Variants in VWC2L observed in about 807,000 individuals in gnomAD.
VWC2L encodes von Willebrand factor C domain-containing protein 2-like.
In VWC2L, 10 loss-of-function variants were observed where a neutral mutation model predicts 21.6. That is an observed-to-expected ratio of 0.46 (90% CI 0.29 to 0.78). VWC2L has a LOEUF of 0.78. Among genes scored for constraint, VWC2L ranks in the 30% least tolerant of loss-of-function variants. The pLI is 0.10. For synonymous variants in VWC2L, 96 were observed against 94.3 expected, an observed-to-expected ratio of 1.02 and a Z score of -0.10; for missense variants, 209 against 277.1, an observed-to-expected ratio of 0.75 and a Z score of 1.74.
chr2:214,524,753 C>T (rs11896940), intron 3 of VWC2L, among the ~76,000 whole-genome samples: 4,991 of 152,134 alleles, frequency 0.033, 264 homozygotes, highest in African/African-American at 0.11. Flanking sequence ...ATGCCCTCGT[C>T]TCTTCAAATG....
At chr2:214,550,573 C>T (rs902291188) in intron 3 of VWC2L, among the ~76,000 whole-genome samples, 1 of 152,202 alleles carries the variant, frequency 6.6e-6, no homozygotes, top group African/African-American at 2.4e-5. Flanking sequence ...CATTACCCAT[C>T]ACCCCATTCA....
chr2:214,567,303 G>T (rs911548647), intron 3 of VWC2L, among the ~76,000 whole-genome samples: 6 of 151,974 alleles, frequency 3.9e-5, no homozygotes, highest in Non-Finnish European at 5.9e-5. Flanking sequence ...GATCTGGGTC[G>T]ACAAACAACA....
chr2:214,518,534 A>C (rs1475223953), intron 3 of VWC2L, among the ~76,000 whole-genome samples: 2 of 152,150 alleles, frequency 1.3e-5, no homozygotes, highest in Non-Finnish European at 2.9e-5. Flanking sequence ...CCTTCTTCCA[A>C]CCAGGACTAG....
At chr2:214,545,839 T>C (rs954734351) in intron 3 of VWC2L, among the ~76,000 whole-genome samples, 5 of 152,132 alleles carry the variant, frequency 3.3e-5, no homozygotes, top group Middle Eastern at 3.2e-3. Flanking sequence ...ACATATACAA[T>C]TTGAGAACGT....
intron 3 of VWC2L, among the ~76,000 whole-genome samples, chr2:214,542,171 T>C (rs1689639469): frequency 6.6e-6 from 1 of 152,166 alleles, no homozygotes; most frequent in African/African-American, 2.4e-5. Flanking sequence ...TGTCCTTGTG[T>C]GCAGTGCAGT....
At chr2:214,533,403 T>C (rs796181618) in intron 3 of VWC2L, among the ~76,000 whole-genome samples, 2 of 152,152 alleles carry the variant, frequency 1.3e-5, no homozygotes, top group East Asian at 1.9e-4. Flanking sequence ...ACAGCACAAA[T>C]TGCAGCTGGT....
At chr2:214,432,341 A>G (rs948884666) in intron 2 of VWC2L, among the ~76,000 whole-genome samples, 5 of 152,214 alleles carry the variant, frequency 3.3e-5, no homozygotes, top group Admixed American at 2.0e-4. Context: ...TAAAGAAATC[A>G]GTAAGATAGT....
intron 3 of VWC2L, among the ~76,000 whole-genome samples, chr2:214,513,768 T>C (rs1689096194): frequency 6.6e-6 from 1 of 152,104 alleles, no homozygotes; most frequent in Non-Finnish European, 1.5e-5. Context: ...CAGAACCCTC[T>C]ATACAAGGCA....
At chr2:214,520,519 C>T (rs996399610) in intron 3 of VWC2L, among the ~76,000 whole-genome samples, 6 of 152,140 alleles carry the variant, frequency 3.9e-5, no homozygotes, top group South Asian at 2.1e-4. Flanking sequence ...CCGAGACTGG[C>T]GATATAGAAG....
At chr2:214,558,674 A>G (rs1167892584) in intron 3 of VWC2L, among the ~76,000 whole-genome samples, 1 of 152,114 alleles carries the variant, frequency 6.6e-6, no homozygotes, top group Non-Finnish European at 1.5e-5. Context: ...CAATTATTCT[A>G]CTTCTAGCAA....
intron 2 of VWC2L, among the ~76,000 whole-genome samples, chr2:214,416,711 ATAAATTT>A (rs1702362712): frequency 6.6e-6 from 1 of 152,130 alleles, no homozygotes; most frequent in African/African-American, 2.4e-5. Flanking sequence ...TCACTTGGAT[ATAAATTT>A]TTGAATGGAG....
chr2:214,475,775 AAAAATGTT>A (rs1417074472), intron 3 of VWC2L, among the ~76,000 whole-genome samples: 2 of 152,166 alleles, frequency 1.3e-5, no homozygotes, highest in African/African-American at 2.4e-5. Flanking sequence ...ACATGTCAAC[AAAAATGTT>A]GACCTGTAGG....
intron 3 of VWC2L, among the ~76,000 whole-genome samples, chr2:214,502,593 A>G (rs1409306295): frequency 1.3e-5 from 2 of 152,130 alleles, no homozygotes; most frequent in Non-Finnish European, 2.9e-5. Context: ...AAAAAGTGAT[A>G]ACTATTGAGC....
At chr2:214,468,122 T>C (rs1033698317) in intron 3 of VWC2L, among the ~76,000 whole-genome samples, 9 of 152,092 alleles carry the variant, frequency 5.9e-5, no homozygotes. Context: ...GTTCAAGTGA[T>C]TCTCCTGCCT....
intron 2 of VWC2L, among the ~76,000 whole-genome samples, chr2:214,420,156 C>T (rs867519500): frequency 1.3e-5 from 2 of 152,116 alleles, no homozygotes; most frequent in Non-Finnish European, 1.5e-5. Context: ...AATTGATTTG[C>T]CCTTTAATGG....
chr2:214,455,699 C>T (rs1703046832), intron 3 of VWC2L, among the ~76,000 whole-genome samples: 1 of 152,146 alleles, frequency 6.6e-6, no homozygotes, highest in South Asian at 2.1e-4. Context: ...TAACTCACCG[C>T]AGAACAATCT....
At chr2:214,561,809 T>TATATATATATATATATATACAC (rs1489588765) in intron 3 of VWC2L, among the ~76,000 whole-genome samples, 41 of 127,230 alleles carry the variant, frequency 3.2e-4, no homozygotes, top group African/African-American at 7.4e-4. Flanking sequence ...TATATATATA[T>TATATATATATATATATATACAC]ACACACACAT....
intron 2 of VWC2L, among the ~76,000 whole-genome samples, chr2:214,421,885 CTTTTTTTTTTT>C (rs761759449): frequency 1.3e-5 from 1 of 76,144 alleles, no homozygotes; most frequent in Non-Finnish European, 2.2e-5. Context: ...TTTCCTACAT[CTTTTTTTTTTT>C]TTTTTTTTTT....
chr2:214,572,453 G>A (rs557490361), intron 3 of VWC2L, among the ~76,000 whole-genome samples: 2 of 152,064 alleles, frequency 1.3e-5, no homozygotes, highest in African/African-American at 4.8e-5. Flanking sequence ...ATTAAAATAC[G>A]TTGCTTTGCC....
Sources: allele counts gnomAD v4.1 joint callset (sites outside exome capture counted in the v4.1 genomes callset), GRCh38; gene constraint gnomAD v4.1.1; transcripts MANE v1.5; gene names NCBI Gene and HGNC (gene_info 2026-07-23, HGNC 2026-07-21).